INPP4B: variants seen among roughly 807,000 people sequenced by gnomAD.
The protein encoded by INPP4B is inositol polyphosphate-4-phosphatase type II B.
A neutral mutation model predicts 122.5 loss-of-function variants in INPP4B; 55 were observed. That is an observed-to-expected ratio of 0.45 (90% confidence interval 0.36 to 0.56). INPP4B has a LOEUF of 0.56. Ranked by LOEUF, INPP4B falls within the 20% of genes least tolerant of loss-of-function variation. The probability of loss-of-function intolerance (pLI) is 0.00; values close to 1 mark genes in which losing one functional copy is unlikely to be tolerated. For synonymous variants in INPP4B, 403 were observed against 388.7 expected (o/e 1.04, Z -0.43); for missense variants, 1,000 against 1,097.7 (o/e 0.91, Z 1.26).
intron 1 of INPP4B, among the ~76,000 whole-genome samples, chr4:142,737,120 T>G (rs1767052662): frequency 6.6e-6 from 1 of 152,254 alleles, no homozygotes; most frequent in African/African-American, 2.4e-5. Flanking sequence ...ACTTTAAAGT[T>G]CATATGGAAC....
chr4:142,450,184 C>T (rs1813831879), intron 3 of INPP4B, among the ~76,000 whole-genome samples: 1 of 152,208 alleles, frequency 6.6e-6, no homozygotes, highest in Admixed American at 6.5e-5. Context: ...CTTGGCACCC[C>T]ACTCAGCCCC....
chr4:142,030,242 A>C, intron 25 of INPP4B: 1 of 1,535,658 alleles, frequency 6.5e-7, no homozygotes, highest in Non-Finnish European at 8.7e-7. Context: ...TTGGCTTGTT[A>C]TCAGTTAGAC....
Position 142,716,438 on chromosome 4 carries a change from C to G in INPP4B, c.-191+9401G>C, listed in dbSNP as rs529883410. ...ATTCTGTATCTTGGCTCTTTCTTAT[C>G]TCTCAATTTTTTTCTTTTAATTTTT... On this transcript the variant is annotated intron_variant, in intron 2 of 25. Coordinates refer to ENST00000262992, the MANE Select transcript of INPP4B (RefSeq NM_001101669.3). Among the ~76,000 whole-genome samples, 56 of 152,268 alleles carry G rather than the reference C, an allele frequency of 3.7e-4. No individual in the cohort carries two copies. The South Asian group carries it at 0.011, about 30-fold the overall frequency.
intron 1 of INPP4B, among the ~76,000 whole-genome samples, chr4:142,745,586 C>G (rs1335876396): frequency 6.6e-6 from 1 of 151,820 alleles, no homozygotes; most frequent in African/African-American, 2.4e-5. Flanking sequence ...TTTGGTAACC[C>G]TTGGAATAAA....
chr4:142,066,323 G>A (rs1763478499), intron 25 of INPP4B, among the ~76,000 whole-genome samples: 1 of 152,114 alleles, frequency 6.6e-6, no homozygotes, highest in Non-Finnish European at 1.5e-5. Flanking sequence ...AGTCTGGTAA[G>A]TACATGTGAA....
At chr4:142,188,076 T>C (rs1833954152) in intron 15 of INPP4B, among the ~76,000 whole-genome samples, 1 of 152,196 alleles carries the variant, frequency 6.6e-6, no homozygotes, top group African/African-American at 2.4e-5. Flanking sequence ...TTTTAATCTC[T>C]GTCTTTTGAT....
At chr4:142,784,715 C>T (rs990325451) in intron 1 of INPP4B, among the ~76,000 whole-genome samples, 1 of 152,014 alleles carries the variant, frequency 6.6e-6, no homozygotes, top group South Asian at 2.1e-4. Context: ...CAGTAAAGAT[C>T]TGAGAAAAAT....
chr4:142,195,946 T>A (rs996303743), intron 14 of INPP4B, among the ~76,000 whole-genome samples: 5 of 152,132 alleles, frequency 3.3e-5, no homozygotes, highest in Non-Finnish European at 5.9e-5. Context: ...AATTTTAGCA[T>A]CCTCCAAAGC....
At chr4:142,224,225 T>C (rs1850557143) in intron 12 of INPP4B, among the ~76,000 whole-genome samples, 1 of 152,268 alleles carries the variant, frequency 6.6e-6, no homozygotes, top group Non-Finnish European at 1.5e-5. Context: ...ATAAGTTAAA[T>C]CTTAGAATGT....
At chr4:142,344,567 T>G (rs1411372175) in intron 7 of INPP4B, among the ~76,000 whole-genome samples, 11 of 152,086 alleles carry the variant, frequency 7.2e-5, no homozygotes, top group African/African-American at 2.7e-4. Context: ...TTTTTCCAGC[T>G]GTACACTTTT....
At chr4:142,159,402 G>A (rs555620383) in intron 17 of INPP4B, among the ~76,000 whole-genome samples, 8 of 152,018 alleles carry the variant, frequency 5.3e-5, no homozygotes, top group African/African-American at 1.9e-4. Flanking sequence ...GCCCACCTCT[G>A]TCATTTTTGT....
intron 1 of INPP4B, among the ~76,000 whole-genome samples, chr4:142,831,969 G>A (rs1782196720): frequency 2.6e-5 from 4 of 152,128 alleles, no homozygotes; most frequent in Admixed American, 2.0e-4. Context: ...GCACCATCCA[G>A]CGTAAACAAA....
chr4:142,471,639 G>GGTTCT (rs774229016), intron 2 of INPP4B, among the ~76,000 whole-genome samples: 5 of 152,226 alleles, frequency 3.3e-5, no homozygotes, highest in Non-Finnish European at 7.3e-5. Flanking sequence ...TGGGGGCAGA[G>GGTTCT]GTTCTGCCCT....
At chr4:142,701,445 C>T (rs1158533985) in intron 2 of INPP4B, among the ~76,000 whole-genome samples, 3 of 150,332 alleles carry the variant, frequency 2.0e-5, no homozygotes, top group Admixed American at 1.3e-4. Flanking sequence ...TGCAATCAGG[C>T]TGGCATGATC....
intron 2 of INPP4B, among the ~76,000 whole-genome samples, chr4:142,623,381 C>T (rs891790625): frequency 1.3e-5 from 2 of 151,878 alleles, no homozygotes; most frequent in African/African-American, 2.4e-5. Context: ...AAGTCCCCAC[C>T]ACATGACTGG....
intron 1 of INPP4B, among the ~76,000 whole-genome samples, chr4:142,818,391 G>A (rs968706471): frequency 2.6e-5 from 4 of 152,072 alleles, no homozygotes; most frequent in African/African-American, 9.7e-5. Flanking sequence ...TTTTCTCTCA[G>A]AGGCTATTCC....
chr4:142,178,371 A>G (rs2645815), intron 15 of INPP4B, among the ~76,000 whole-genome samples: 81,668 of 152,064 alleles, frequency 0.54, 26,396 homozygotes, highest in Non-Finnish European at 0.7. Context: ...ACTTAAACTT[A>G]TCTATTGCAA....
chr4:142,628,240 G>C (rs1746989115), intron 2 of INPP4B, among the ~76,000 whole-genome samples: 1 of 148,706 alleles, frequency 6.7e-6, no homozygotes, highest in South Asian at 2.2e-4. Flanking sequence ...CATAAAAAAT[G>C]ATGAGTTCAT....
chr4:142,029,454 G>A (rs1738433644), intron 25 of INPP4B: 1 of 986,020 alleles, frequency 1.0e-6, no homozygotes, highest in Non-Finnish European at 1.2e-6. Flanking sequence ...AAGGAAGAGT[G>A]CTTGTCCACG....
Sources: allele counts gnomAD v4.1 joint callset (sites outside exome capture counted in the v4.1 genomes callset), GRCh38; gene constraint gnomAD v4.1.1; transcripts MANE v1.5; gene names NCBI Gene and HGNC (gene_info 2026-07-23, HGNC 2026-07-21).